The following MPHOSPH8 variants were observed in gnomAD, a reference collection of about 807,000 sequenced individuals.
MPHOSPH8 encodes M-phase phosphoprotein, mpp.
MPHOSPH8 carries 45 observed loss-of-function variants against 87.3 expected under a neutral mutation model. The observed-to-expected ratio is 0.52, with a 90% confidence interval of 0.41 to 0.66. MPHOSPH8 has a LOEUF of 0.66. MPHOSPH8 is among the 30% of genes least tolerant of loss of function. The probability of loss-of-function intolerance (pLI) is 0.00; values close to 1 mark genes in which losing one functional copy is unlikely to be tolerated. For synonymous variants in MPHOSPH8, 366 were observed against 376.9 expected, an observed-to-expected ratio of 0.97 and a Z score of 0.33; for missense variants, 883 against 1,020.2, an observed-to-expected ratio of 0.87 and a Z score of 1.83.
chr13:19,643,138 T>C (rs1195547753), intron 2 of MPHOSPH8, among the ~76,000 whole-genome samples: 1 of 152,232 alleles, frequency 6.6e-6, no homozygotes, highest in African/African-American at 2.4e-5. Context: ...GAGTGTCTCA[T>C]AGGGGCCAGA....
chr13:19,671,859 G>C lies in MPHOSPH8; in HGVS notation c.2567G>C (p.Arg856Thr). The change falls in exon 14 of 14, where the codon AGA (arginine) becomes ACA (threonine). Residue 856 changes from arginine to threonine, a missense_variant. Around this residue, in one of 3 missense-constraint regions of MPHOSPH8, gnomAD observed 741 missense variants for 841.5 expected, o/e 0.88. Coordinates refer to ENST00000361479, the MANE Select transcript of MPHOSPH8 (RefSeq NM_017520.4). The stretch of plus-strand genomic sequence containing the variant: ...GTTAAGTTGCTAATAGGTGCATACA[G>C]AGTGCAGCTGCAGTGACCAAACAGA... ...AKVKLLIGAY[R>T]VQLQ The C allele has an allele frequency of 1.9e-6, 3 of 1,614,162 alleles. No homozygotes were observed. The highest frequency in any genetic ancestry group is 1.3e-5 in the African/African-American group (1 of 75,050).
chr13:19,663,369 C>T (rs547106529), intron 9 of MPHOSPH8, among the ~76,000 whole-genome samples: 28 of 152,296 alleles, frequency 1.8e-4, no homozygotes, highest in African/African-American at 6.5e-4. Flanking sequence ...GGAAGTGCTC[C>T]GAGCTGGGCC....
chr13:19,638,669 T>G (rs1874126596), intron 1 of MPHOSPH8, among the ~76,000 whole-genome samples: 1 of 152,048 alleles, frequency 6.6e-6, no homozygotes, highest in Admixed American at 6.6e-5. Flanking sequence ...TGAGTTCAGA[T>G]TCTACTCAGT....
chr13:19,658,986 G>A lies in MPHOSPH8; in HGVS notation c.1577-9G>A, dbSNP rs1423945324. ...AAATGTATGTTAACAAGGCTATTGT[G>A]TGTTCCAGATGGCAGGCAGCAGATT... On this transcript the variant is annotated splice_polypyrimidine_tract_variant and intron_variant, in intron 5 of 13. Coordinates refer to ENST00000361479, the MANE Select transcript of MPHOSPH8 (RefSeq NM_017520.4). 6.2e-7 allele frequency: 1 copy of A among 1,610,616 alleles called. No individual in the cohort carries two copies. The highest frequency in any genetic ancestry group is 8.5e-7 in the Non-Finnish European group (1 of 1,179,282).
intron 8 of MPHOSPH8, among the ~76,000 whole-genome samples, chr13:19,662,234 T>C (rs1875580697): frequency 1.3e-5 from 2 of 151,888 alleles, no homozygotes; most frequent in Non-Finnish European, 2.9e-5. Flanking sequence ...CCACCGCGCC[T>C]GGCTGTCACA....
In MPHOSPH8 at chr13:19,646,733, A is replaced by C. The variant is rs1356483305; in HGVS notation, c.660A>C (p.Glu220Asp). 3.8e-6 allele frequency: 6 copies of C among 1,587,806 alleles called. No homozygotes were observed. Among genetic ancestry groups the C allele is most frequent in the Non-Finnish European group, 4.3e-6 (5 of 1,171,330 alleles). The change falls in exon 3 of 14, where the codon GAA becomes GAC. Residue 220 changes from glutamate (E) to aspartate (D), a missense_variant. By Grantham distance (45) the Glu-to-Asp change is conservative (BLOSUM62 2). Coordinates refer to ENST00000361479, the MANE Select transcript of MPHOSPH8 (RefSeq NM_017520.4). The part of the protein sequence containing the change: ...LKESKKPKKD[E>D]VKETKELKKV... ...AGTCCAAAAAGCCCAAAAAAGATGAAGTAAAAGAAACAAAAGAATTAAAGA... is the reference window on the plus strand; with the variant it reads ...AGTCCAAAAAGCCCAAAAAAGATGACGTAAAAGAAACAAAAGAATTAAAGA...
rs1238429527 is a variant in MPHOSPH8, at chr13:19,633,768, G to A, written c.20G>A (p.Gly7Glu). The A allele has an allele frequency of 1.2e-5, 20 of 1,600,858 alleles. No homozygotes were observed. Among genetic ancestry groups the A allele is most frequent in the Non-Finnish European group, 1.7e-5 (20 of 1,174,654 alleles). The change falls in exon 1 of 14, where the codon GGA becomes GAA. Residue 7 changes from glycine (G) to glutamate (E), a missense_variant. Gly to Glu is a moderately conservative substitution (Grantham distance 98). Transcript: ENST00000361479. ...GCTAGGATGGAGCAGGTTGCGGAGG[G>A]AGCAAGGGTGACCGCAGTCCCTGTG... Reference protein sequence around the residue: MEQVAEGARVTAVPVSA... With the variant: MEQVAEEARVTAVPVSA...
rs544400886 is a variant in MPHOSPH8 at position 19,659,955 on chromosome 13, A to C, written c.1791+666A>C. On this transcript the variant is annotated intron_variant, in intron 7 of 13. Coordinates refer to ENST00000361479, the MANE Select transcript of MPHOSPH8 (RefSeq NM_017520.4). ...GGATTTTTCATACTGATATGTATGG[A>C]TTTTTTTTTTTTTTTTTTTTTTTTG... Among the ~76,000 whole-genome samples the C allele has an allele frequency of 1.7e-4, 10 of 59,136 alleles. 1 individual carries two copies. The highest frequency in any genetic ancestry group is 6.0e-4 in the African/African-American group (10 of 16,748). 38.8% of individuals were successfully genotyped at this position (59,136 alleles called of 152,430 possible). A position where few individuals can be genotyped will look rare whatever the true frequency, so the allele number is the denominator to read the frequency against.
intron 1 of MPHOSPH8, among the ~76,000 whole-genome samples, chr13:19,635,503 G>C (rs1187568224): frequency 6.6e-6 from 1 of 152,162 alleles, no homozygotes; most frequent in Admixed American, 6.5e-5. Context: ...CCTCCAGCCT[G>C]GGCGACAGAG....
In MPHOSPH8 at chr13:19,671,189, TTC is replaced by T. The variant is rs1876108431; in HGVS notation, c.2458-13_2458-12del. ...AAGTTTGAAAACACTGACTTTTTTT[TTC>T]TCTTTCCATTGTAGGACAGTCATTT... On this transcript the variant is annotated splice_polypyrimidine_tract_variant and intron_variant, in intron 12 of 13. Transcript: ENST00000361479. The T allele has an allele frequency of 1.2e-6, 2 of 1,610,536 alleles. No homozygotes were observed. Among genetic ancestry groups the T allele is most frequent in the Admixed American group, 1.7e-5 (1 of 59,398 alleles).
chr13:19,634,739 T>A (rs1026738798), intron 1 of MPHOSPH8, among the ~76,000 whole-genome samples: 4 of 152,190 alleles, frequency 2.6e-5, no homozygotes, highest in Non-Finnish European at 5.9e-5. Context: ...TATCGTTCTT[T>A]GTTTGTCTCT....
At position 19,646,711 on chromosome 13, in the gene MPHOSPH8, C is replaced by A; in HGVS notation, c.638C>A (p.Ser213Tyr). The A allele has an allele frequency of 6.3e-7, 1 of 1,587,134 alleles. No homozygotes were observed. Among genetic ancestry groups the A allele is most frequent in the South Asian group, 1.2e-5 (1 of 85,066 alleles). ...GAAGCCAAAGAAGAACTAAAGGAGT[C>A]CAAAAAGCCCAAAAAAGATGAAGTA... ...ISEAKEELKE[S>Y]KKPKKDEVKE... Residue 213 changes from serine to tyrosine, a missense_variant, in exon 3 of 14, where the codon TCC (serine) becomes TAC (tyrosine). Coordinates refer to ENST00000361479, the MANE Select transcript of MPHOSPH8 (RefSeq NM_017520.4).
Position 19,646,610 on chromosome 13 carries a change from A to G in MPHOSPH8, c.537A>G (p.Lys179=), listed in dbSNP as rs1462905307. The change falls in exon 3 of 14, where the codon AAA becomes AAG. Residue 179 remains lysine (K), a synonymous_variant. Transcript: ENST00000361479. ...KKKKAKAGKL[K]DKSKPDLESS... ...AAAAAGCAAAGGCCGGGAAGCTAAA[A>G]GACAAGTCCAAACCAGACCTGGAGA... 1 of 1,584,234 alleles carries G rather than the reference A, an allele frequency of 6.3e-7. No homozygotes were observed. Among genetic ancestry groups the G allele is most frequent in the Admixed American group, 2.0e-5 (1 of 49,988 alleles).
intron 1 of MPHOSPH8, among the ~76,000 whole-genome samples, chr13:19,641,507 T>G (rs887763093): frequency 8.6e-6 from 1 of 115,884 alleles, no homozygotes; most frequent in Non-Finnish European, 1.7e-5. Context: ...TTTTTTTTTT[T>G]GAGACAGAGT....
intron 1 of MPHOSPH8, among the ~76,000 whole-genome samples, chr13:19,634,591 TACTC>T (rs1353117318): frequency 6.6e-6 from 1 of 152,194 alleles, no homozygotes; most frequent in Non-Finnish European, 1.5e-5. Flanking sequence ...GGTGAAATCT[TACTC>T]AAATGCTTCC....
chr13:19,655,836 C>A (rs960460655), intron 5 of MPHOSPH8, among the ~76,000 whole-genome samples: 1 of 152,172 alleles, frequency 6.6e-6, no homozygotes, highest in Non-Finnish European at 1.5e-5. Context: ...ATAGCTGTCA[C>A]CCAGGCGGGA....
intron 10 of MPHOSPH8, among the ~76,000 whole-genome samples, chr13:19,667,303 C>T (rs917293639): frequency 1.3e-5 from 2 of 152,172 alleles, no homozygotes; most frequent in South Asian, 2.1e-4. Flanking sequence ...CCATCCTCCC[C>T]GACTGTCGAG....
In MPHOSPH8 at chr13:19,670,241, G is replaced by A. The variant is rs577259168; in HGVS notation, c.2335G>A (p.Gly779Ser). 6.2e-7 allele frequency: 1 copy of A among 1,614,118 alleles called. No homozygotes were observed. The highest frequency in any genetic ancestry group is 1.7e-5 in the Admixed American group (1 of 60,024). ...CACACATCTCCCATTTTCAGGCTCT[G>A]GCATCCTGCTGTTTATCTTCCATGC... is the stretch of plus-strand genomic sequence containing the variant. Reference protein sequence around the residue: ...KPPQNIPEGSGILLFIFHANF... With the variant: ...KPPQNIPEGSSILLFIFHANF... Residue 779 changes from glycine to serine, a missense_variant, in exon 12 of 14, where the codon GGC becomes AGC. Physicochemically the swap from Gly to Ser is moderately conservative, Grantham distance 56 (BLOSUM62 0). Transcript: ENST00000361479.
intron 2 of MPHOSPH8, 26 bp from the exon 3 acceptor site, chr13:19,646,417 A>G: frequency 7.2e-7 from 1 of 1,386,432 alleles, no homozygotes. Context: ...GTTAATGAAT[A>G]TTTTAATCTG....
Sources: allele counts gnomAD v4.1 joint callset (sites outside exome capture counted in the v4.1 genomes callset), GRCh38; gene constraint gnomAD v4.1.1; regional missense constraint gnomAD v4.1.1; transcripts MANE v1.5; gene names NCBI Gene and HGNC (gene_info 2026-07-23, HGNC 2026-07-21).